The following PTPRZ1 variants were observed in gnomAD, a reference collection of about 807,000 sequenced individuals.
PTPRZ1 encodes the protein protein tyrosine phosphatase receptor type Z1, also known as receptor-type tyrosine-protein phosphatase zeta.
PTPRZ1 carries 82 observed loss-of-function variants against 214.1 expected under a neutral mutation model. The observed-to-expected ratio is 0.38, with a 90% CI of 0.32 to 0.46. The LOEUF is 0.46. Ranked by LOEUF, PTPRZ1 falls within the 20% of genes least tolerant of loss-of-function variation. PTPRZ1 has a pLI of 1.00. For synonymous variants in PTPRZ1, 945 were observed against 987.9 expected (o/e 0.96, Z 0.81); for missense variants, 2,603 against 2,748.7 (o/e 0.95, Z 1.19).
chr7:121,875,295 C>T (rs1373977662), intron 1 of PTPRZ1, among the ~76,000 whole-genome samples: 4 of 152,174 alleles, frequency 2.6e-5, no homozygotes, highest in African/African-American at 9.7e-5. Context: ...TAAATAGAAT[C>T]ATGCAACTTG....
In PTPRZ1 at chr7:122,028,610, T is replaced by G. The variant is rs1193579994; in HGVS notation, c.5047T>G (p.Ser1683Ala). Residue 1683 changes from serine to alanine, a missense_variant, in exon 14 of 30, where the codon TCC becomes GCC. Around this residue, in one of 6 missense-constraint regions of PTPRZ1, gnomAD observed 1,913 missense variants for 1,914.3 expected, o/e 1.00. Transcript: ENST00000393386. The stretch of plus-strand genomic sequence containing the variant: ...GGACAGTACATCCCCTAGAGTTATA[T>G]CCACACCTCCAACACCTATCTTTCC... Reference protein sequence around the residue: ...LEDSTSPRVISTPPTPIFPIS... With the variant: ...LEDSTSPRVIATPPTPIFPIS... 5 of 1,543,910 alleles carry G rather than the reference T, an allele frequency of 3.2e-6. No individual in the cohort carries two copies. The highest frequency in any genetic ancestry group is 1.4e-5 in the African/African-American group (1 of 73,182).
chr7:121,923,952 A>G (rs1795677145), intron 1 of PTPRZ1, among the ~76,000 whole-genome samples: 1 of 152,084 alleles, frequency 6.6e-6, no homozygotes, highest in Admixed American at 6.5e-5. Flanking sequence ...CTGAAATAAT[A>G]TAAACCAAAT....
At position 122,060,293 on chromosome 7, in the gene PTPRZ1, A is replaced by G. The variant is rs189817814; in HGVS notation, c.6807+405A>G. 1.2e-4 allele frequency among the ~76,000 whole-genome samples: 18 copies of G among 152,238 alleles called. No homozygotes were observed. In the East Asian group the frequency reaches 3.1e-3, roughly 26 times the overall value. On this transcript the variant is annotated intron_variant, in intron 29 of 29. Transcript: ENST00000393386. ...ATGCACTGCAGAGGAGCCCCTAATAAGTCTTATTCGGGGCCGCTGAGTTGT... is the reference window on the plus strand; with the variant it reads ...ATGCACTGCAGAGGAGCCCCTAATAGGTCTTATTCGGGGCCGCTGAGTTGT...
chr7:121,954,077 C>G (rs934810549), intron 2 of PTPRZ1, among the ~76,000 whole-genome samples: 1 of 152,160 alleles, frequency 6.6e-6, no homozygotes, highest in South Asian at 2.1e-4. Context: ...ACTTTTAAAT[C>G]TTTCTCAAAT....
At chr7:122,021,558 C>A (rs1436308003) in intron 13 of PTPRZ1, among the ~76,000 whole-genome samples, 1 of 151,916 alleles carries the variant, frequency 6.6e-6, no homozygotes, top group African/African-American at 2.4e-5. Context: ...CATAGTGAGA[C>A]CTCCATCTCT....
chr7:121,942,541 A>G (rs548646487), intron 2 of PTPRZ1, among the ~76,000 whole-genome samples: 26 of 152,326 alleles, frequency 1.7e-4, no homozygotes, highest in African/African-American at 6.3e-4. Context: ...GTAAATTGCA[A>G]TAACTGTTTT....
chr7:121,991,511 G>T (rs1486556229), intron 8 of PTPRZ1, among the ~76,000 whole-genome samples: 1 of 152,132 alleles, frequency 6.6e-6, no homozygotes, highest in African/African-American at 2.4e-5. Context: ...GAGAAATTTT[G>T]TACAATTTCC....
At chr7:121,957,160 C>A (rs1024104664) in intron 2 of PTPRZ1, among the ~76,000 whole-genome samples, 15 of 152,172 alleles carry the variant, frequency 9.9e-5, no homozygotes, top group African/African-American at 3.6e-4. Context: ...CTTTTTCCCT[C>A]TGGGTACCTT....
At chr7:122,037,037 C>T (rs1332810953) in intron 18 of PTPRZ1, among the ~76,000 whole-genome samples, 2 of 151,072 alleles carry the variant, frequency 1.3e-5, no homozygotes, top group African/African-American at 2.4e-5. Context: ...CTTTGGGAGG[C>T]TGAGGCAGGC....
chr7:121,958,910 G>T (rs527252340), intron 2 of PTPRZ1, among the ~76,000 whole-genome samples: 1 of 152,006 alleles, frequency 6.6e-6, no homozygotes, highest in Non-Finnish European at 1.5e-5. Context: ...TGCAACCTCC[G>T]CCTCCCAGGT....
At chr7:121,988,250 T>C (rs1197291119) in intron 8 of PTPRZ1, among the ~76,000 whole-genome samples, 1 of 152,170 alleles carries the variant, frequency 6.6e-6, no homozygotes, top group Non-Finnish European at 1.5e-5. Flanking sequence ...CTAGGGGGGA[T>C]CAGAGATGAT....
intron 2 of PTPRZ1, among the ~76,000 whole-genome samples, chr7:121,942,288 C>A (rs1290386378): frequency 6.6e-6 from 1 of 152,180 alleles, no homozygotes; most frequent in East Asian, 1.9e-4. Flanking sequence ...CATTTCAATT[C>A]ACCATTTTCT....
chr7:121,991,807 A>G (rs1290153511), intron 8 of PTPRZ1, among the ~76,000 whole-genome samples: 1 of 152,216 alleles, frequency 6.6e-6, no homozygotes, highest in Non-Finnish European at 1.5e-5. Flanking sequence ...GAAGTACAAA[A>G]CAGGGATAGA....
chr7:121,980,538 A>T (rs887878201), intron 6 of PTPRZ1, among the ~76,000 whole-genome samples: 3 of 152,210 alleles, frequency 2.0e-5, no homozygotes, highest in African/African-American at 7.2e-5. Context: ...GAACTTTCTA[A>T]TGGATTAAAA....
At chr7:121,948,874 A>G (rs536090056) in intron 2 of PTPRZ1, among the ~76,000 whole-genome samples, 1 of 152,224 alleles carries the variant, frequency 6.6e-6, no homozygotes, top group Admixed American at 6.5e-5. Context: ...GTGTGACTTC[A>G]GAACCCATGC....
chr7:121,972,722 T>C, intron 4 of PTPRZ1, 30 bp downstream of exon 4: 1 of 1,462,616 alleles, frequency 6.8e-7, no homozygotes, highest in Non-Finnish European at 9.1e-7. Flanking sequence ...GTGTACTATT[T>C]TATTTTCTAA....
At chr7:121,915,503 A>G (rs1455017578) in intron 1 of PTPRZ1, among the ~76,000 whole-genome samples, 1 of 152,230 alleles carries the variant, frequency 6.6e-6, no homozygotes, top group African/African-American at 2.4e-5. Context: ...AAGTTAAAAA[A>G]CAAGGTAGTT....
At chr7:121,969,416 G>T (rs900344271) in intron 3 of PTPRZ1, among the ~76,000 whole-genome samples, 1 of 151,962 alleles carries the variant, frequency 6.6e-6, no homozygotes, top group Non-Finnish European at 1.5e-5. Flanking sequence ...AAAAAAATTA[G>T]CCAGGCATGG....
In PTPRZ1 at chr7:121,989,392, G is replaced by C. The variant is rs992396149; in HGVS notation, c.928+5275G>C. Reference sequence around the variant, plus strand: ...CTATGAAAGTTTTTTTTTTTTTTTTGAGTTGGAGTTTCACTCTTGTTGCCC... The same window carrying C: ...CTATGAAAGTTTTTTTTTTTTTTTTCAGTTGGAGTTTCACTCTTGTTGCCC... On this transcript the variant is annotated intron_variant, in intron 8 of 29. Transcript: ENST00000393386. Among the ~76,000 whole-genome samples, 3 of 44,618 alleles carry C rather than the reference G, an allele frequency of 6.7e-5. No individual in the cohort carries two copies. The East Asian group carries it at 2.1e-3, about 31-fold the overall frequency. 29.3% of individuals were successfully genotyped at this position (44,618 alleles called of 152,430 possible). A position where few individuals can be genotyped will look rare whatever the true frequency, so the allele number is the denominator to read the frequency against.
Sources: allele counts gnomAD v4.1 joint callset (sites outside exome capture counted in the v4.1 genomes callset), GRCh38; gene constraint gnomAD v4.1.1; regional missense constraint gnomAD v4.1.1; transcripts MANE v1.5; gene names NCBI Gene and HGNC (gene_info 2026-07-23, HGNC 2026-07-21).